AGMO: variants seen among roughly 807,000 people sequenced by gnomAD.
The protein encoded by AGMO is alkylglycerol monooxygenase.
In AGMO, 75 loss-of-function variants were observed where a neutral mutation model predicts 60.2. That is an observed-to-expected ratio of 1.25 (90% CI 1.03 to 1.51). AGMO has a LOEUF of 1.51. Among genes scored for constraint, AGMO ranks in the 40% most tolerant of loss-of-function variants. The pLI, the probability that AGMO is intolerant of heterozygous loss-of-function variation, is 0.00. For synonymous variants in AGMO, 261 were observed against 177.1 expected (o/e 1.47, Z -3.76); for missense variants, 763 against 525.5 (o/e 1.45, Z -4.42).
intron 3 of AGMO, among the ~76,000 whole-genome samples, chr7:15,520,848 T>A (rs914234715): frequency 1.3e-5 from 2 of 151,950 alleles, no homozygotes; most frequent in African/African-American, 4.8e-5. Context: ...ATAACTAAGA[T>A]AAGAGCAGAA....
At chr7:15,331,902 G>A (rs2128544688) in intron 12 of AGMO, among the ~76,000 whole-genome samples, 1 of 150,712 alleles carries the variant, frequency 6.6e-6, no homozygotes, top group South Asian at 2.1e-4. Flanking sequence ...CTCCAGCTTG[G>A]ACAACAAGAG....
In AGMO at chr7:15,327,815, G is replaced by T. The variant is rs531624264; in HGVS notation, c.1263+37699C>A. On this transcript the variant is annotated intron_variant, in intron 12 of 12. Transcript: ENST00000342526. ...CAGGCTGCCAGGCTAGAGGGCAGTG[G>T]CTATAGTGTTGCCATCACAGCTCAT... Among the ~76,000 whole-genome samples the T allele has an allele frequency of 2.8e-5, 4 of 143,644 alleles. No homozygotes were observed. The South Asian group carries it at 8.8e-4, about 31-fold the overall frequency. 94.2% of individuals were successfully genotyped at this position (143,644 alleles called of 152,430 possible). A position where few individuals can be genotyped will look rare whatever the true frequency, so the allele number is the denominator to read the frequency against.
At chr7:15,270,807 C>A in intron 12 of AGMO, among the ~76,000 whole-genome samples, 1 of 139,250 alleles carries the variant, frequency 7.2e-6, no homozygotes, top group African/African-American at 3.4e-5. Context: ...ATATTTAAGT[C>A]TTTAATTTTT....
intron 5 of AGMO, among the ~76,000 whole-genome samples, chr7:15,408,406 C>T (rs1784760111): frequency 6.6e-6 from 1 of 151,604 alleles, no homozygotes; most frequent in Non-Finnish European, 1.5e-5. Flanking sequence ...GTAAAAAAAC[C>T]AGAATTCTGT....
chr7:15,379,196 T>A (rs1304654000), intron 10 of AGMO, among the ~76,000 whole-genome samples: 1 of 151,870 alleles, frequency 6.6e-6, no homozygotes, highest in African/African-American at 2.4e-5. Context: ...CAACCTAGTA[T>A]CACGACTAAA....
At chr7:15,344,309 C>CTGA (rs1225093372) in intron 12 of AGMO, among the ~76,000 whole-genome samples, 1 of 152,160 alleles carries the variant, frequency 6.6e-6, no homozygotes, top group Non-Finnish European at 1.5e-5. Context: ...GCAACACTTA[C>CTGA]TGAGGTGCCA....
intron 12 of AGMO, among the ~76,000 whole-genome samples, chr7:15,318,854 T>C (rs1781020518): frequency 6.6e-6 from 1 of 152,190 alleles, no homozygotes. Context: ...TCAGGCTTCT[T>C]GATGCTGTCC....
rs79318540 is a variant in AGMO, at chr7:15,495,199, C to T, written c.409+49573G>A. ...TTTGCCTGGTGCTTCAAAATATTAA[C>T]ATTTTATCACCTTAAGCTCCAGGAC... On this transcript the variant is annotated intron_variant, in intron 3 of 12. Transcript: ENST00000342526. 2.9e-4 allele frequency among the ~76,000 whole-genome samples: 44 copies of T among 152,288 alleles called. No homozygotes were observed. The East Asian group carries it at 7.5e-3, about 26-fold the overall frequency.
chr7:15,350,260 T>A (rs1046518262), intron 12 of AGMO, among the ~76,000 whole-genome samples: 21 of 152,202 alleles, frequency 1.4e-4, no homozygotes, highest in African/African-American at 5.1e-4. Flanking sequence ...CTTCTTGTGC[T>A]GTACATTAAA....
chr7:15,378,513 T>C (rs2128570298), intron 10 of AGMO, among the ~76,000 whole-genome samples: 1 of 152,156 alleles, frequency 6.6e-6, no homozygotes, highest in African/African-American at 2.4e-5. Flanking sequence ...TAAATATGTA[T>C]GCACCCAACA....
chr7:15,408,405 C>CCAGAATT (rs1784760159), intron 5 of AGMO, among the ~76,000 whole-genome samples: 1 of 151,762 alleles, frequency 6.6e-6, no homozygotes, highest in African/African-American at 2.4e-5. Flanking sequence ...TGTAAAAAAA[C>CCAGAATT]CAGAATTCTG....
chr7:15,272,248 T>G (rs181848654), intron 12 of AGMO, among the ~76,000 whole-genome samples: 45 of 151,196 alleles, frequency 3.0e-4, no homozygotes, highest in African/African-American at 1.0e-3. Flanking sequence ...CCATTTACAT[T>G]AGGTATATCT....
chr7:15,530,543 T>C (rs1409558274), intron 3 of AGMO, among the ~76,000 whole-genome samples: 42 of 88,232 alleles, frequency 4.8e-4, no homozygotes, highest in African/African-American at 1.7e-3. Flanking sequence ...TTTCTATATA[T>C]ATTCTATATA....
the AGMO span, among the ~76,000 whole-genome samples, chr7:15,164,049 C>T: frequency 6.6e-6 from 1 of 151,966 alleles, no homozygotes; most frequent in African/African-American, 2.4e-5. Flanking sequence ...TAAAAATAGA[C>T]ACATAGATGA....
At chr7:15,532,726 C>A (rs1199321966) in intron 3 of AGMO, among the ~76,000 whole-genome samples, 1 of 150,126 alleles carries the variant, frequency 6.7e-6, no homozygotes, top group Non-Finnish European at 1.5e-5. Flanking sequence ...TGCGGTGGTT[C>A]ATGCCTATAA....
intron 12 of AGMO, among the ~76,000 whole-genome samples, chr7:15,297,994 C>T (rs767768081): frequency 6.6e-6 from 1 of 152,206 alleles, no homozygotes; most frequent in Admixed American, 6.5e-5. Flanking sequence ...CGTCTAAAGG[C>T]AATACTTTAA....
chr7:15,242,219 G>A (rs1255393529), intron 12 of AGMO, among the ~76,000 whole-genome samples: 1 of 151,824 alleles, frequency 6.6e-6, no homozygotes, highest in Non-Finnish European at 1.5e-5. Context: ...CTAAGTTTAG[G>A]GCAGAAAATC....
intron 6 of AGMO, among the ~76,000 whole-genome samples, chr7:15,392,804 AAACAAACAAACAAACAAAC>A (rs1784203267): frequency 8.0e-6 from 1 of 124,668 alleles, no homozygotes; most frequent in Non-Finnish European, 1.8e-5. Context: ...GTCTCAAAAC[AAACAAACAAACAAACAAAC>A]AAACAAACAA....
intron 5 of AGMO, among the ~76,000 whole-genome samples, chr7:15,407,232 C>CAT (rs60144769): frequency 0.084 from 11,150 of 132,064 alleles, 930 homozygotes; most frequent in African/African-American, 0.21. Flanking sequence ...CTTTGGAATA[C>CAT]ATATATATAT....
Sources: gnomAD v4.1 joint callset for allele counts (sites outside exome capture counted in the v4.1 genomes callset) on GRCh38, gnomAD v4.1.1 for gene constraint, MANE v1.5 for transcripts, NCBI Gene and HGNC (gene_info 2026-07-23, HGNC 2026-07-21) for gene names.